SPATS2L: variants seen among roughly 807,000 people sequenced by gnomAD.
The protein encoded by SPATS2L is SPATS2-like protein.
In SPATS2L, 30 loss-of-function variants were observed where a neutral mutation model predicts 59.6. That is an observed-to-expected ratio of 0.50 (90% CI 0.38 to 0.68). The LOEUF is 0.68. Ranked by LOEUF, SPATS2L falls within the 30% of genes least tolerant of loss-of-function variation. The pLI is 0.00. For synonymous variants in SPATS2L, 252 were observed against 263.5 expected, an observed-to-expected ratio of 0.96 and a Z score of 0.42; for missense variants, 615 against 700.0, an observed-to-expected ratio of 0.88 and a Z score of 1.37.
intron 3 of SPATS2L, among the ~76,000 whole-genome samples, chr2:200,396,688 G>A (rs1279378155): frequency 6.6e-6 from 1 of 152,058 alleles, no homozygotes; most frequent in East Asian, 1.9e-4. Flanking sequence ...TAGATAACTC[G>A]CTTCATGGGA....
chr2:200,469,156 T>C (rs1328088851), intron 10 of SPATS2L, among the ~76,000 whole-genome samples: 1 of 152,210 alleles, frequency 6.6e-6, no homozygotes, highest in Non-Finnish European at 1.5e-5. Context: ...CTCGTAAGTG[T>C]TCAATGATTT....
At chr2:200,452,019 A>C (rs2085490663) in intron 8 of SPATS2L, among the ~76,000 whole-genome samples, 1 of 152,082 alleles carries the variant, frequency 6.6e-6, no homozygotes, top group South Asian at 2.1e-4. Context: ...GCTGGTCTTG[A>C]ACTCCTGACC....
intron 6 of SPATS2L, among the ~76,000 whole-genome samples, chr2:200,428,703 C>T (rs887523221): frequency 4.6e-5 from 7 of 152,312 alleles, no homozygotes; most frequent in Non-Finnish European, 8.8e-5. Flanking sequence ...ATCTCCCTTC[C>T]CAGTCGTGGC....
chr2:200,365,207 T>A (rs1363228419), intron 2 of SPATS2L, among the ~76,000 whole-genome samples: 1 of 152,246 alleles, frequency 6.6e-6, no homozygotes, highest in Non-Finnish European at 1.5e-5. Flanking sequence ...TTTACTTATG[T>A]TATCTTTTAA....
chr2:200,396,033 A>ATATAAATATATAT (rs1172186726), intron 3 of SPATS2L, among the ~76,000 whole-genome samples: 14 of 21,134 alleles, frequency 6.6e-4, no homozygotes, highest in African/African-American at 2.1e-3. Flanking sequence ...AAAAAAAAAA[A>ATATAAATATATAT]ATATATATAT....
chr2:200,473,924 C>T (rs1469671416), intron 12 of SPATS2L, among the ~76,000 whole-genome samples: 5 of 151,908 alleles, frequency 3.3e-5, no homozygotes, highest in Admixed American at 1.3e-4. Context: ...TGCTTGAACC[C>T]GGGAGGCGGA....
intron 3 of SPATS2L, among the ~76,000 whole-genome samples, chr2:200,407,951 G>T (rs929686043): frequency 6.6e-6 from 1 of 152,148 alleles, no homozygotes; most frequent in African/African-American, 2.4e-5. Flanking sequence ...CGTATTAGTC[G>T]CTTGTGAATG....
chr2:200,309,942 T>C (rs1181268977), intron 1 of SPATS2L, among the ~76,000 whole-genome samples: 1 of 152,222 alleles, frequency 6.6e-6, no homozygotes, highest in African/African-American at 2.4e-5. Context: ...CTAAGTACCA[T>C]AGCTGAGAAA....
At chr2:200,426,676 A>G (rs1008856666) in intron 6 of SPATS2L, among the ~76,000 whole-genome samples, 3 of 152,214 alleles carry the variant, frequency 2.0e-5, no homozygotes, top group Non-Finnish European at 2.9e-5. Flanking sequence ...GCAGTAAGCC[A>G]TGATCACACC....
chr2:200,449,476 A>G (rs2085295089), intron 8 of SPATS2L, among the ~76,000 whole-genome samples: 1 of 152,246 alleles, frequency 6.6e-6, no homozygotes, highest in Non-Finnish European at 1.5e-5. Context: ...GAGCTGGAAG[A>G]CAAGAAATTG....
chr2:200,327,808 C>T (rs1049526668), intron 1 of SPATS2L, among the ~76,000 whole-genome samples: 1 of 152,018 alleles, frequency 6.6e-6, no homozygotes, highest in Non-Finnish European at 1.5e-5. Context: ...TATATAAAGT[C>T]AGTTGCATTT....
chr2:200,448,982 T>A (rs2106143417), intron 8 of SPATS2L, among the ~76,000 whole-genome samples: 1 of 152,334 alleles, frequency 6.6e-6, no homozygotes, highest in East Asian at 1.9e-4. Flanking sequence ...CTCCGGGATC[T>A]ATTCTGAAAT....
At chr2:200,446,826 C>T (rs1210407847) in intron 8 of SPATS2L, among the ~76,000 whole-genome samples, 1 of 152,218 alleles carries the variant, frequency 6.6e-6, no homozygotes, top group Non-Finnish European at 1.5e-5. Flanking sequence ...TATTTGTCTT[C>T]TCATTTCATA....
chr2:200,409,952 A>G (rs1021023476), intron 3 of SPATS2L, among the ~76,000 whole-genome samples: 3 of 152,232 alleles, frequency 2.0e-5, no homozygotes, highest in Admixed American at 6.5e-5. Context: ...TTGCCTTAAC[A>G]TAATACAACA....
chr2:200,447,150 GA>G (rs2085103596), intron 8 of SPATS2L, among the ~76,000 whole-genome samples: 1 of 152,194 alleles, frequency 6.6e-6, no homozygotes, highest in Non-Finnish European at 1.5e-5. Context: ...TGGGGACCAG[GA>G]TTAGGATGAA....
At position 200,430,099 on chromosome 2, in the gene SPATS2L, ATGG is replaced by A. The variant is rs1014795573; in HGVS notation, c.446-9018_446-9016del. ...CAGTTGCAATCTTTCATTTGTTTGT[ATGG>A]TGGTTTGATTTACACACCTTCCTAT... is the stretch of plus-strand genomic sequence containing the variant. On this transcript the variant is annotated intron_variant, in intron 6 of 12. Coordinates refer to ENST00000409140, the MANE Select transcript of SPATS2L (RefSeq NM_001100423.2). Among the ~76,000 whole-genome samples, 4 of 152,108 alleles carry A rather than the reference ATGG, an allele frequency of 2.6e-5. 1 individual carries two copies. The highest frequency in any genetic ancestry group is 1.3e-4 in the Admixed American group (2 of 15,248).
chr2:200,355,282 C>T (rs1449676698), intron 2 of SPATS2L, among the ~76,000 whole-genome samples: 2 of 152,240 alleles, frequency 1.3e-5, no homozygotes, highest in African/African-American at 4.8e-5. Context: ...TAGGGGGTCT[C>T]ACCCCAGACA....
At chr2:200,329,386 CT>C in intron 1 of SPATS2L, 44 bp from the exon 2 acceptor site, 1 of 1,507,328 alleles carries the variant, frequency 6.6e-7, no homozygotes, top group Non-Finnish European at 9.0e-7. Context: ...GGTGTGGCTA[CT>C]AATTTGAGAC....
chr2:200,398,203 G>A (rs1194419910), intron 3 of SPATS2L, among the ~76,000 whole-genome samples: 2 of 152,166 alleles, frequency 1.3e-5, no homozygotes, highest in African/African-American at 2.4e-5. Context: ...CCCAAGAGGA[G>A]TGGCAGCTAG....
Sources: allele counts gnomAD v4.1 joint callset (sites outside exome capture counted in the v4.1 genomes callset), GRCh38; gene constraint gnomAD v4.1.1; transcripts MANE v1.5; gene names NCBI Gene and HGNC (gene_info 2026-07-23, HGNC 2026-07-21).